PAXIP1: variants seen among roughly 807,000 people sequenced by gnomAD.
PAXIP1 encodes PAX interacting protein 1.
A neutral mutation model predicts 140.6 loss-of-function variants in PAXIP1; 19 were observed. The ratio of observed to expected loss-of-function variants is 0.14; its 90% CI spans 0.09 to 0.20. The LOEUF (loss-of-function observed/expected upper bound fraction) is 0.20. Ranked by LOEUF, PAXIP1 falls within the 10% of genes least tolerant of loss-of-function variation. The pLI is 1.00. For synonymous variants in PAXIP1, 442 were observed against 444.6 expected, an observed-to-expected ratio of 0.99 and a Z score of 0.07; for missense variants, 920 against 1,208.6, an observed-to-expected ratio of 0.76 and a Z score of 3.54.
intron 6 of PAXIP1, chr7:154,974,747 G>C (rs999693048): frequency 6.6e-6 from 1 of 151,996 alleles, no homozygotes; most frequent in African/African-American, 2.4e-5. Flanking sequence ...ACCTAAATTA[G>C]TTTTCTTAGT....
rs1808522287 is a variant in PAXIP1 at position 154,956,589 on chromosome 7, A to T, written c.2549+635T>A. On this transcript the variant is annotated intron_variant, in intron 14 of 20. Transcript: ENST00000404141. The surrounding 1 kb of genome is among the most constrained non-coding windows in gnomAD (Gnocchi z 4.2). ...TTATTGACTCCTGCTGGCCGACATG[A>T]CACTAAAATGATATGCATCTCAATC... 6.6e-6 allele frequency: 1 copy of T among 152,246 alleles called. No homozygotes were observed. Among genetic ancestry groups the T allele is most frequent in the African/African-American group, 2.4e-5 (1 of 41,442 alleles). The allele number at this position is 152,246 out of a possible 1,614,324, so 9.4% of individuals were successfully genotyped here.
At position 154,998,596 on chromosome 7, in the gene PAXIP1, C is replaced by T. The variant is rs779306844; in HGVS notation, c.216+54G>A. The stretch of plus-strand genomic sequence containing the variant: ...AGAGCTATAGTGAAACTTCAATGTA[C>T]TGCTTGCAAGATACTGAGGAAAAGA... On this transcript the variant is annotated intron_variant, in intron 2 of 20. Transcript: ENST00000404141. 114 of 1,429,872 alleles carry T rather than the reference C, an allele frequency of 8.0e-5. No individual in the cohort carries two copies. In the Middle Eastern group the frequency reaches 1.3e-3, roughly 16 times the overall value. 88.6% of individuals were successfully genotyped at this position (1,429,872 alleles called of 1,614,324 possible).
intron 2 of PAXIP1, among the ~76,000 whole-genome samples, chr7:154,995,598 T>C (rs555633553): frequency 3.9e-5 from 6 of 152,302 alleles, no homozygotes; most frequent in African/African-American, 7.2e-5. Flanking sequence ...GCCTGTAATC[T>C]CAGCACTTTG....
chr7:155,001,903 T>C (rs1049144391), intron 1 of PAXIP1: 1 of 152,258 alleles, frequency 6.6e-6, no homozygotes, highest in Non-Finnish European at 1.5e-5. Flanking sequence ...TTCTACACCA[T>C]CCAAGTTCAT....
chr7:154,959,206 G>A (rs188483479), intron 13 of PAXIP1, among the ~76,000 whole-genome samples: 59 of 152,344 alleles, frequency 3.9e-4, no homozygotes, highest in Non-Finnish European at 6.8e-4. Flanking sequence ...CAATAGAAAT[G>A]TGGTGAAAAC....
rs865928822 is a variant in PAXIP1, at chr7:154,968,046, G to C, written c.1799-136C>G. On this transcript the variant is annotated intron_variant, in intron 7 of 20. Coordinates refer to ENST00000404141, the MANE Select transcript of PAXIP1 (RefSeq NM_007349.4). ...ACCATGACGTATCTGCCAGTAATCA[G>C]AGTGCATAGGGAATATTGCTACGAA... 6.5e-6 allele frequency: 4 copies of C among 619,708 alleles called. No individual in the cohort carries two copies. The South Asian group carries it at 8.0e-5, about 12-fold the overall frequency. 38.4% of individuals were successfully genotyped at this position (619,708 alleles called of 1,614,324 possible). A position where few individuals can be genotyped will look rare whatever the true frequency, so the allele number is the denominator to read the frequency against.
chr7:154,971,777 T>C (rs4960654), intron 6 of PAXIP1, among the ~76,000 whole-genome samples: 1 of 151,948 alleles, frequency 6.6e-6, no homozygotes, highest in African/African-American at 2.4e-5. Flanking sequence ...CCACTATAAA[T>C]TTGCAATTTA....
rs1810086779 is a variant in PAXIP1 at position 154,986,572 on chromosome 7, ATGT to A, written c.325-3243_325-3241del. ...AGTCCCTTAGCTGCACACTGTACAT[ATGT>A]TGTTAATGTATCTTACAACCAAAAT... On this transcript the variant is annotated intron_variant, in intron 4 of 20. Coordinates refer to ENST00000404141, the MANE Select transcript of PAXIP1 (RefSeq NM_007349.4). This position sits in a 1 kb window ranked among gnomAD's most constrained non-coding sequence, Gnocchi z 4.8. Among the ~76,000 whole-genome samples the A allele has an allele frequency of 6.6e-6, 1 of 152,210 alleles. No homozygotes were observed. The highest frequency in any genetic ancestry group is 2.4e-5 in the African/African-American group (1 of 41,452).
chr7:154,993,650 C>T, intron 3 of PAXIP1, 76 bp downstream of exon 3: 2 of 1,078,998 alleles, frequency 1.9e-6, no homozygotes, highest in South Asian at 2.8e-5. Flanking sequence ...ACTTTTCACT[C>T]CATTAACTAT....
rs903823532 is a variant in PAXIP1, at chr7:154,968,277, A to C, written c.1798+126T>G. 2.0e-5 allele frequency: 15 copies of C among 747,366 alleles called. No homozygotes were observed. In the South Asian group the frequency reaches 2.5e-4, roughly 12 times the overall value. 46.3% of individuals were successfully genotyped at this position (747,366 alleles called of 1,614,324 possible). ...AACTATATTCTTTGTTAGGTATGAG[A>C]CTCACACTCTCCATTTTGTAGTAAT... On this transcript the variant is annotated intron_variant, in intron 7 of 20. Transcript: ENST00000404141.
chr7:154,977,948 G>A (rs10264749), intron 5 of PAXIP1, among the ~76,000 whole-genome samples: 42,063 of 122,704 alleles, frequency 0.34, 6,496 homozygotes, highest in Middle Eastern at 0.44. Context: ...ATTTTCGAAC[G>A]CAGACCAAAC....
Position 154,956,044 on chromosome 7 carries a change from C to T in PAXIP1, c.2550-413G>A, listed in dbSNP as rs1057151751. Among the ~76,000 whole-genome samples the T allele has an allele frequency of 1.3e-5, 2 of 152,168 alleles. No individual in the cohort carries two copies. The highest frequency in any genetic ancestry group is 2.9e-5 in the Non-Finnish European group (2 of 68,030). ...TAACCTTGTGTGACTCAGGCCATTC[C>T]TTGTTTGCACGTTCACCATCAATAC... On this transcript the variant is annotated intron_variant, in intron 14 of 20. Transcript: ENST00000404141. This position sits in a 1 kb window ranked among gnomAD's most constrained non-coding sequence, Gnocchi z 4.2.
intron 13 of PAXIP1, among the ~76,000 whole-genome samples, chr7:154,959,472 T>G (rs1808663223): frequency 5.3e-5 from 8 of 152,174 alleles, no homozygotes; most frequent in Admixed American, 5.2e-4. Flanking sequence ...CAACTGATCT[T>G]CCACTCATCA....
At chr7:154,957,160 C>A in intron 14 of PAXIP1, 64 bp downstream of exon 14, 3 of 822,928 alleles carry the variant, frequency 3.6e-6, no homozygotes, top group South Asian at 3.3e-5. Context: ...CCTCAATTGC[C>A]ACCGATTTTC....
chr7:154,991,250 C>A (rs371165807), intron 3 of PAXIP1, among the ~76,000 whole-genome samples, 181 bp from the exon 4 acceptor site: 3 of 152,178 alleles, frequency 2.0e-5, no homozygotes, highest in South Asian at 2.1e-4. Flanking sequence ...ACAGAAAGAA[C>A]TGAGTGCTTT....
At position 154,962,478 on chromosome 7, in the gene PAXIP1, A is replaced by G; in HGVS notation, c.1990-20T>C. 1.2e-6 allele frequency: 2 copies of G among 1,600,024 alleles called. No individual in the cohort carries two copies. The highest frequency in any genetic ancestry group is 1.7e-6 in the Non-Finnish European group (2 of 1,171,046). ...TATTGCCTGTCAAACATAAAATTATAGGTTTGTTGTTTTTGTTTTTCTGCT... is the reference window on the plus strand; with the variant it reads ...TATTGCCTGTCAAACATAAAATTATGGGTTTGTTGTTTTTGTTTTTCTGCT... On this transcript the variant is annotated intron_variant, in intron 9 of 20. Coordinates refer to ENST00000404141, the MANE Select transcript of PAXIP1 (RefSeq NM_007349.4).
intron 1 of PAXIP1, chr7:155,001,291 G>A (rs1219859689): frequency 6.6e-6 from 1 of 151,974 alleles, no homozygotes; most frequent in East Asian, 1.9e-4. Flanking sequence ...CCCTATAAGA[G>A]CCAAAGTCCT....
intron 4 of PAXIP1, 140 bp downstream of exon 4, chr7:154,990,866 T>A (rs1810299261): frequency 4.1e-6 from 2 of 484,270 alleles, no homozygotes; most frequent in East Asian, 7.0e-5. Flanking sequence ...TAATTTTAAG[T>A]GTCATGAGTT....
At chr7:154,971,551 A>G (rs1809330465) in intron 6 of PAXIP1, among the ~76,000 whole-genome samples, 2 of 152,222 alleles carry the variant, frequency 1.3e-5, no homozygotes, top group African/African-American at 4.8e-5. Flanking sequence ...CAACCATCTG[A>G]TCTGCCTCTG....
Sources: allele counts gnomAD v4.1 joint callset (sites outside exome capture counted in the v4.1 genomes callset), GRCh38; gene constraint gnomAD v4.1.1; non-coding constraint Gnocchi (gnomAD v3.1); transcripts MANE v1.5; gene names NCBI Gene and HGNC (gene_info 2026-07-23, HGNC 2026-07-21).